The following KATNB1 variants were observed in gnomAD, a reference collection of about 807,000 sequenced individuals.
KATNB1 encodes the protein katanin regulatory subunit B1.
A neutral mutation model predicts 82.3 loss-of-function variants in KATNB1; 38 were observed. The ratio of observed to expected loss-of-function variants is 0.46; its 90% CI spans 0.36 to 0.61. The LOEUF (loss-of-function observed/expected upper bound fraction) is 0.61. Among genes scored for constraint, KATNB1 ranks in the 20% least tolerant of loss-of-function variants. The pLI is 0.00. For missense variants in KATNB1, 749 were observed against 915.7 expected (o/e 0.82, Z 2.35); for synonymous variants, 361 against 368.7 (o/e 0.98, Z 0.24).
chr16:57,736,561 C>A (rs899595572), intron 1 of KATNB1, among the ~76,000 whole-genome samples: 1 of 152,140 alleles, frequency 6.6e-6, no homozygotes, highest in Non-Finnish European at 1.5e-5. Context: ...CCAAGGAGGA[C>A]TTCAGTGGCC....
At chr16:57,750,141 GTCTC>G (rs2049214220) in intron 4 of KATNB1, among the ~76,000 whole-genome samples, 1 of 152,172 alleles carries the variant, frequency 6.6e-6, no homozygotes, top group Non-Finnish European at 1.5e-5. Flanking sequence ...CTCCTGGTCT[GTCTC>G]TCTCCTTGCA....
Position 57,756,389 on chromosome 16 carries a change from G to A in KATNB1, c.1752G>A (p.Leu584=). 6.2e-7 allele frequency: 1 copy of A among 1,614,046 alleles called. No individual in the cohort carries two copies. The highest frequency in any genetic ancestry group is 8.5e-7 in the Non-Finnish European group (1 of 1,180,014). ...YVQTGCTSLK[L]ILQRFLPLIT... ...AGACGGGCTGCACCTCCCTGAAGCT[G>A]ATCCTGCAGCGGTTTCTGCCCCTCA... Residue 584 remains leucine (L), a synonymous_variant, in exon 19 of 20, where the codon CTG becomes CTA. Coordinates refer to ENST00000379661, the MANE Select transcript of KATNB1 (RefSeq NM_005886.3).
chr16:57,746,466 G>T (rs116429814), intron 4 of KATNB1, among the ~76,000 whole-genome samples: 1,543 of 152,292 alleles, frequency 0.01, 30 homozygotes, highest in African/African-American at 0.034. Context: ...CCTGTGCTAG[G>T]TCGTCACTGG....
At chr16:57,753,555 C>A (rs1555584493) in intron 12 of KATNB1, 36 bp downstream of exon 12, 5 of 1,607,460 alleles carry the variant, frequency 3.1e-6, no homozygotes, top group Non-Finnish European at 4.3e-6. Flanking sequence ...CCAGCGTCCC[C>A]ATCGGTGAAA....
chr16:57,740,731 G>A (rs1200428699), intron 2 of KATNB1, among the ~76,000 whole-genome samples: 2 of 152,166 alleles, frequency 1.3e-5, no homozygotes, highest in African/African-American at 4.8e-5. Context: ...CCATCTCCAC[G>A]GACCAGGCCA....
intron 4 of KATNB1, among the ~76,000 whole-genome samples, chr16:57,750,227 G>A (rs2049215220): frequency 6.6e-6 from 1 of 152,240 alleles, no homozygotes; most frequent in East Asian, 1.9e-4. Flanking sequence ...TGAGTGTGGT[G>A]GTTCCCTGGT....
chr16:57,753,554 C>T (rs782648304), intron 12 of KATNB1, 35 bp downstream of exon 12: 93 of 1,607,534 alleles, frequency 5.8e-5, no homozygotes, highest in Admixed American at 2.9e-4. Flanking sequence ...CCCAGCGTCC[C>T]CATCGGTGAA....
In KATNB1 at chr16:57,751,165, G is replaced by A; in HGVS notation, c.391-96G>A. On this transcript the variant is annotated intron_variant, in intron 5 of 19. Transcript: ENST00000379661. This position sits in a 1 kb window ranked among gnomAD's most constrained non-coding sequence, Gnocchi z 6.3. ...CGTGGGGAGTAACGACCTAGAGAAG[G>A]CTGGGCCCCACCGTCTGCTCACGAC... is the stretch of plus-strand genomic sequence containing the variant. 1.7e-6 allele frequency: 2 copies of A among 1,200,134 alleles called. No homozygotes were observed. Among genetic ancestry groups the A allele is most frequent in the Admixed American group, 1.7e-5 (1 of 58,432 alleles). 74.3% of individuals were successfully genotyped at this position (1,200,134 alleles called of 1,614,324 possible).
intron 4 of KATNB1, among the ~76,000 whole-genome samples, chr16:57,750,073 A>G (rs1376651625): frequency 6.6e-6 from 1 of 152,106 alleles, no homozygotes; most frequent in African/African-American, 2.4e-5. Flanking sequence ...CACCTCCTCC[A>G]TAAAGCCTTC....
intron 18 of KATNB1, 36 bp downstream of exon 18, chr16:57,756,102 G>C (rs1567904226): frequency 6.3e-7 from 1 of 1,595,190 alleles, no homozygotes; most frequent in Admixed American, 1.7e-5. Flanking sequence ...CTGAAGCAGG[G>C]GGAGGGGAGA....
intron 8 of KATNB1, 66 bp downstream of exon 8, chr16:57,752,121 T>A (rs1473556910): frequency 1.0e-6 from 1 of 994,194 alleles, no homozygotes; most frequent in Non-Finnish European, 1.6e-6. Flanking sequence ...CCTCTGTGCG[T>A]GTCTCTACTG....
At position 57,755,158 on chromosome 16, in the gene KATNB1, C is replaced by T. The variant is rs782358804; in HGVS notation, c.1336C>T (p.Pro446Ser). 6.8e-6 allele frequency: 11 copies of T among 1,612,724 alleles called. No homozygotes were observed. The highest frequency in any genetic ancestry group is 1.6e-4 in the Middle Eastern group (1 of 6,062). The change falls in exon 15 of 20, where the codon CCT becomes TCT. Residue 446 changes from proline to serine, a missense_variant. Pro to Ser is a moderately conservative substitution (Grantham distance 74). Transcript: ENST00000379661. ...CCGGCCCCCAGTGGTTGCTTCCACA[C>T]CTGCACCCAAGGCTGAGCCTGCCAT... ...LPRPPVVAST[P>S]APKAEPAIIP...
intron 2 of KATNB1, among the ~76,000 whole-genome samples, chr16:57,738,884 G>A (rs1230626654): frequency 1.3e-5 from 2 of 150,162 alleles, no homozygotes; most frequent in South Asian, 2.2e-4. Flanking sequence ...CAACAGGCAG[G>A]AACTGGATAA....
chr16:57,749,898 C>T (rs2049212502), intron 4 of KATNB1, among the ~76,000 whole-genome samples: 1 of 152,172 alleles, frequency 6.6e-6, no homozygotes, highest in Non-Finnish European at 1.5e-5. Flanking sequence ...GTCCTCACAG[C>T]CACCCTCAAG....
Position 57,756,506 on chromosome 16 carries a change from C to T in KATNB1, c.1835+34C>T, listed in dbSNP as rs782591992. 4 of 1,560,196 alleles carry T rather than the reference C, an allele frequency of 2.6e-6. No individual in the cohort carries two copies. In the Admixed American group the frequency reaches 5.1e-5, roughly 20 times the overall value. Reference sequence around the variant, plus strand: ...AGCGCATGTGTTGGGGGCAGGGGTGCCACAACAGGTGAGGGGACAAAGGCC... The same window carrying T: ...AGCGCATGTGTTGGGGGCAGGGGTGTCACAACAGGTGAGGGGACAAAGGCC... On this transcript the variant is annotated intron_variant, in intron 19 of 19. Coordinates refer to ENST00000379661, the MANE Select transcript of KATNB1 (RefSeq NM_005886.3).
At chr16:57,741,297 A>G (rs947754859) in intron 2 of KATNB1, among the ~76,000 whole-genome samples, 1 of 152,246 alleles carries the variant, frequency 6.6e-6, no homozygotes, top group Non-Finnish European at 1.5e-5. Flanking sequence ...TTTGTATCAT[A>G]GAAAGAGTAT....
At chr16:57,746,349 C>CCT (rs1290098822) in intron 4 of KATNB1, among the ~76,000 whole-genome samples, 2 of 151,596 alleles carry the variant, frequency 1.3e-5, no homozygotes, top group African/African-American at 4.8e-5. Context: ...TCTCTTCCTT[C>CCT]CTCTCTCTCT....
intron 2 of KATNB1, among the ~76,000 whole-genome samples, chr16:57,738,518 A>C (rs1302937948): frequency 6.6e-6 from 1 of 151,912 alleles, no homozygotes; most frequent in East Asian, 1.9e-4. Context: ...AGCCTCCCAA[A>C]GTGCTGGGAT....
Position 57,755,216 on chromosome 16 carries a change from T to C in KATNB1, c.1394T>C (p.Leu465Pro), listed in dbSNP as rs782392478. The change falls in exon 15 of 20, where the codon CTG becomes CCG. Residue 465 changes from leucine to proline, a missense_variant. By Grantham distance (98) the Leu-to-Pro change is moderately conservative. Around this residue, in one of 3 missense-constraint regions of KATNB1, gnomAD observed 407 missense variants for 434.7 expected, o/e 0.94. Transcript: ENST00000379661. Reference sequence around the variant, plus strand: ...GCCACCCGGAACGAGCCCATCGGGCTGAAGGCCTCCGACTTCCTGCCCGTG... The same window carrying C: ...GCCACCCGGAACGAGCCCATCGGGCCGAAGGCCTCCGACTTCCTGCCCGTG... ...IPATRNEPIG[L>P]KASDFLPAVK... 6.2e-7 allele frequency: 1 copy of C among 1,611,580 alleles called. No individual in the cohort carries two copies. Among genetic ancestry groups the C allele is most frequent in the African/African-American group, 1.3e-5 (1 of 75,058 alleles).
Sources: gnomAD v4.1 joint callset for allele counts (sites outside exome capture counted in the v4.1 genomes callset) on GRCh38, gnomAD v4.1.1 for gene constraint, gnomAD v4.1.1 regional missense constraint, Gnocchi (gnomAD v3.1) non-coding constraint, MANE v1.5 for transcripts, NCBI Gene and HGNC (gene_info 2026-07-23, HGNC 2026-07-21) for gene names.